TACC3: variants seen among roughly 807,000 people sequenced by gnomAD.
TACC3 encodes the protein transforming acidic coiled-coil containing protein 3.
TACC3 carries 52 observed loss-of-function variants against 86.0 expected under a neutral mutation model. That is an observed-to-expected ratio of 0.60 (90% confidence interval 0.48 to 0.76). The LOEUF is 0.76. Ranked by LOEUF, TACC3 falls within the 30% of genes least tolerant of loss-of-function variation. The probability of loss-of-function intolerance (pLI) is 0.00; values close to 1 mark genes in which losing one functional copy is unlikely to be tolerated. For synonymous variants in TACC3, 512 were observed against 430.0 expected, an observed-to-expected ratio of 1.19 and a Z score of -2.36; for missense variants, 1,120 against 1,070.4, an observed-to-expected ratio of 1.05 and a Z score of -0.65.
intron 10 of TACC3, chr4:1,738,134 C>T: frequency 2.9e-6 from 1 of 349,222 alleles, no homozygotes; most frequent in South Asian, 2.1e-5. Flanking sequence ...TCCCTCCATC[C>T]TCACTGTACA....
intron 3 of TACC3, among the ~76,000 whole-genome samples, chr4:1,725,361 C>G (rs1304954578): frequency 2.6e-5 from 4 of 152,210 alleles, no homozygotes; most frequent in Admixed American, 6.5e-5. Flanking sequence ...ACATCCTTCT[C>G]TGGGCCCTGG....
chr4:1,737,335 C>A lies in TACC3; in HGVS notation c.1836+7C>A. 1 of 1,612,954 alleles carries A rather than the reference C, an allele frequency of 6.2e-7. No individual in the cohort carries two copies. The highest frequency in any genetic ancestry group is 1.1e-5 in the South Asian group (1 of 91,042). On this transcript the variant is annotated splice_region_variant and intron_variant, in intron 9 of 15. Coordinates refer to ENST00000313288, the MANE Select transcript of TACC3 (RefSeq NM_006342.3). Reference sequence around the variant, plus strand: ...GGGAGCACTGGACATTCCTGTAAGTCCTTGAGTCCCTCTTGAACTGTCTTG... The same window carrying A: ...GGGAGCACTGGACATTCCTGTAAGTACTTGAGTCCCTCTTGAACTGTCTTG...
chr4:1,725,309 C>G (rs1028046545), intron 3 of TACC3, among the ~76,000 whole-genome samples: 56 of 152,252 alleles, frequency 3.7e-4, no homozygotes, highest in African/African-American at 1.3e-3. Context: ...CTTCTCACCC[C>G]CTGAGATAAA....
At chr4:1,731,835 A>G (rs930710483) in intron 6 of TACC3, among the ~76,000 whole-genome samples, 4 of 152,230 alleles carry the variant, frequency 2.6e-5, no homozygotes, top group Non-Finnish European at 4.4e-5. Context: ...GGGTTTCACC[A>G]TGTTGGCCAG....
intron 8 of TACC3, among the ~76,000 whole-genome samples, chr4:1,736,688 C>T (rs904036876): frequency 2.0e-4 from 31 of 151,748 alleles, no homozygotes; most frequent in Admixed American, 1.8e-3. Flanking sequence ...GCGGGTGGAT[C>T]GCCTGAGGTC....
chr4:1,737,227 C>G lies in TACC3; in HGVS notation c.1749-14C>G. 1 of 1,613,212 alleles carries G rather than the reference C, an allele frequency of 6.2e-7. No individual in the cohort carries two copies. The highest frequency in any genetic ancestry group is 8.5e-7 in the Non-Finnish European group (1 of 1,179,400). ...GAGGGCCTAGTGACTGAGGCTGCCT[C>G]TGCTTGGTGGCAGCATGCACGGTGC... is the stretch of plus-strand genomic sequence containing the variant. On this transcript the variant is annotated splice_polypyrimidine_tract_variant and intron_variant, in intron 8 of 15. Coordinates refer to ENST00000313288, the MANE Select transcript of TACC3 (RefSeq NM_006342.3).
At position 1,737,612 on chromosome 4, in the gene TACC3, C is replaced by T; in HGVS notation, c.1851C>T (p.Pro617=). The change falls in exon 10 of 16, where the codon CCC becomes CCT. Residue 617 remains proline, a synonymous_variant. Transcript: ENST00000313288. ...ATCTCCCGCAGGTGCCAGGCCCACC[C>T]CCAGGTGTTCCCGCGCCTGGGGGCC... ...GALDIPVPGP[P]PGVPAPGGPP... is the part of the protein sequence containing the mutation. 1 of 1,520,112 alleles carries T rather than the reference C, an allele frequency of 6.6e-7. No individual in the cohort carries two copies. The highest frequency in any genetic ancestry group is 8.9e-7 in the Non-Finnish European group (1 of 1,129,278). 94.2% of individuals were successfully genotyped at this position (1,520,112 alleles called of 1,614,324 possible). A position where few individuals can be genotyped will look rare whatever the true frequency, so the allele number is the denominator to read the frequency against.
At chr4:1,725,941 C>T (rs545040811) in intron 3 of TACC3, among the ~76,000 whole-genome samples, 1 of 152,378 alleles carries the variant, frequency 6.6e-6, no homozygotes, top group South Asian at 2.1e-4. Flanking sequence ...ACAGGTCCCT[C>T]ACCCTCAGTT....
At chr4:1,740,195 G>A (rs1332220063) in intron 12 of TACC3, 193 bp downstream of exon 12, 27 of 616,712 alleles carry the variant, frequency 4.4e-5, no homozygotes, top group Non-Finnish European at 2.8e-6. Flanking sequence ...TAGTGAGGCT[G>A]GTGGCTCCCA....
At chr4:1,740,525 C>T (rs941348343) in intron 12 of TACC3, 6 of 347,792 alleles carry the variant, frequency 1.7e-5, no homozygotes, top group African/African-American at 6.3e-5. Flanking sequence ...TCCTGGAGCT[C>T]GCCATACCGG....
chr4:1,727,263 A>AC (rs1717733533), intron 3 of TACC3, among the ~76,000 whole-genome samples: 1 of 151,286 alleles, frequency 6.6e-6, no homozygotes, highest in Non-Finnish European at 1.5e-5. Flanking sequence ...CCCACATCTG[A>AC]CCCCCCAGGC....
Position 1,735,469 on chromosome 4 carries a change from G to A in TACC3, c.1644+144G>A. On this transcript the variant is annotated intron_variant, in intron 7 of 15. Transcript: ENST00000313288. This position sits in a 1 kb window ranked among gnomAD's most constrained non-coding sequence, Gnocchi z 4.2. ...GGCATTGTGGCGGGCTGTGAATCCA[G>A]GGCCCCTTCTGCAGCACCTCCTCTA... 1.0e-6 allele frequency: 1 copy of A among 974,006 alleles called. No homozygotes were observed. Among genetic ancestry groups the A allele is most frequent in the Non-Finnish European group, 1.6e-6 (1 of 637,792 alleles). The allele number at this position is 974,006 out of a possible 1,614,324, so 60.3% of individuals were successfully genotyped here.
rs748147576 is a variant in TACC3 at position 1,727,932 on chromosome 4, G to T, written c.530G>T (p.Ser177Ile). ...GTGTCTCCAGGAAAAGTGTCTGGCA[G>T]CCCTGAGCAAGCCGTGGAGGAAAAC... ...QMVSPGKVSG[S>I]PEQAVEENLS... Residue 177 changes from serine (S) to isoleucine (I), a missense_variant, in exon 4 of 16, where the codon AGC becomes ATC. Coordinates refer to ENST00000313288, the MANE Select transcript of TACC3 (RefSeq NM_006342.3). 6.2e-7 allele frequency: 1 copy of T among 1,613,952 alleles called. No individual in the cohort carries two copies. Among genetic ancestry groups the T allele is most frequent in the Non-Finnish European group, 8.5e-7 (1 of 1,180,032 alleles).
upstream of TACC3, chr4:1,721,153 C>T (rs1303302473): frequency 2.3e-5 from 5 of 216,722 alleles, no homozygotes; most frequent in Non-Finnish European, 4.4e-5. Flanking sequence ...CGTGCGGGTG[C>T]GGCCTCTCTT....
chr4:1,741,051 G>A, intron 13 of TACC3, 65 bp downstream of exon 13: 1 of 1,503,882 alleles, frequency 6.6e-7, no homozygotes, highest in Non-Finnish European at 8.9e-7. Flanking sequence ...CAAGCCAGCG[G>A]GGCTACAAGC....
chr4:1,722,114 C>A (rs947102905), intron 1 of TACC3, among the ~76,000 whole-genome samples: 1 of 152,186 alleles, frequency 6.6e-6, no homozygotes, highest in African/African-American at 2.4e-5. Flanking sequence ...TCCACCTTCC[C>A]CCCGCACCGC....
rs113846484 is a variant in TACC3 at position 1,735,842 on chromosome 4, C to T, written c.1748+8C>T. 35 of 1,573,540 alleles carry T rather than the reference C, an allele frequency of 2.2e-5. No homozygotes were observed. The highest frequency in any genetic ancestry group is 1.8e-4 in the East Asian group (8 of 44,250). On this transcript the variant is annotated splice_region_variant and intron_variant, in intron 8 of 15. Transcript: ENST00000313288. This position sits in a 1 kb window ranked among gnomAD's most constrained non-coding sequence, Gnocchi z 4.2. ...GGCCACCGAGACCAGCAGGTATGTG[C>T]GCCGGCCCTCCCTCATGCATGAAGC...
chr4:1,737,477 C>A, intron 9 of TACC3, 121 bp from the exon 10 acceptor site: 1 of 1,087,926 alleles, frequency 9.2e-7, no homozygotes, highest in Non-Finnish European at 1.3e-6. Context: ...GCCGCACTGT[C>A]TCGGGTCCCT....
intron 8 of TACC3, among the ~76,000 whole-genome samples, chr4:1,736,640 G>A (rs552094555): frequency 5.2e-4 from 79 of 152,050 alleles, no homozygotes; most frequent in Non-Finnish European, 7.8e-4. Flanking sequence ...CGGGCGCAGT[G>A]GCTCACACCT....
Sources: allele counts gnomAD v4.1 joint callset (sites outside exome capture counted in the v4.1 genomes callset), GRCh38; gene constraint gnomAD v4.1.1; non-coding constraint Gnocchi (gnomAD v3.1); transcripts MANE v1.5; gene names NCBI Gene and HGNC (gene_info 2026-07-23, HGNC 2026-07-21).